The following GNA13 variants were observed in gnomAD, a reference collection of about 807,000 sequenced individuals.
GNA13 encodes the protein guanine nucleotide-binding protein subunit alpha-13.
A neutral mutation model predicts 33.5 loss-of-function variants in GNA13; 4 were observed. The ratio of observed to expected loss-of-function variants is 0.12; its 90% CI spans 0.06 to 0.27. The LOEUF (loss-of-function observed/expected upper bound fraction) is 0.27, where lower values mean the gene tolerates loss of function less well. Among genes scored for constraint, GNA13 ranks in the 10% least tolerant of loss-of-function variants. The probability of loss-of-function intolerance (pLI) is 1.00; values close to 1 mark genes in which losing one functional copy is unlikely to be tolerated. For missense variants in GNA13, 319 were observed against 487.2 expected, an observed-to-expected ratio of 0.65 and a Z score of 3.25; for synonymous variants, 176 against 183.8, an observed-to-expected ratio of 0.96 and a Z score of 0.34.
intron 2 of GNA13, among the ~76,000 whole-genome samples, chr17:65,042,613 T>C (rs1466540328): frequency 6.6e-6 from 1 of 151,936 alleles, no homozygotes; most frequent in Admixed American, 6.6e-5. Flanking sequence ...GGTGCGGGCC[T>C]GTAGTCCCAG....
Position 65,013,498 on chromosome 17 carries a change from A to C in GNA13, c.*759T>G. 1 of 213,576 alleles carries C rather than the reference A, an allele frequency of 4.7e-6. No homozygotes were observed. The highest frequency in any genetic ancestry group is 9.5e-6 in the Non-Finnish European group (1 of 105,218). The allele number at this position is 213,576 out of a possible 1,614,324, so 13.2% of individuals were successfully genotyped here. On this transcript the variant is annotated 3_prime_UTR_variant, in exon 4 of 4. Transcript: ENST00000439174. Reference sequence around the variant, plus strand: ...TTTCACATATGGTACATTAAACTACATGATAATTAAATATGAGAAAGGCAA... The same window carrying C: ...TTTCACATATGGTACATTAAACTACCTGATAATTAAATATGAGAAAGGCAA...
chr17:65,013,836 A>G lies in GNA13; in HGVS notation c.*421T>C, dbSNP rs533073105. 4 of 227,350 alleles carry G rather than the reference A, an allele frequency of 1.8e-5. No individual in the cohort carries two copies. The highest frequency in any genetic ancestry group is 1.6e-4 in the South Asian group (1 of 6,430). The allele number at this position is 227,350 out of a possible 1,614,324, so 14.1% of individuals were successfully genotyped here. A position where few individuals can be genotyped will look rare whatever the true frequency, so the allele number is the denominator to read the frequency against. Reference sequence around the variant, plus strand: ...AAGTTAGGCAACAAGTGTCACTGCTATATGTAAGGCGGACAGAAGATATCT... The same window carrying G: ...AAGTTAGGCAACAAGTGTCACTGCTGTATGTAAGGCGGACAGAAGATATCT... On this transcript the variant is annotated 3_prime_UTR_variant, in exon 4 of 4. Transcript: ENST00000439174.
chr17:65,032,349 T>C (rs1261858248), intron 2 of GNA13, among the ~76,000 whole-genome samples: 1 of 152,164 alleles, frequency 6.6e-6, no homozygotes, highest in Non-Finnish European at 1.5e-5. Flanking sequence ...AAATATGAAA[T>C]ATACCATGAG....
At chr17:65,039,549 G>C (rs1004601981) in intron 2 of GNA13, among the ~76,000 whole-genome samples, 10 of 152,158 alleles carry the variant, frequency 6.6e-5, no homozygotes, top group African/African-American at 2.2e-4. Flanking sequence ...CCAGCAGTAA[G>C]TTTTTTTCCA....
intron 2 of GNA13, among the ~76,000 whole-genome samples, chr17:65,042,271 T>C (rs1907483525): frequency 6.6e-6 from 1 of 151,234 alleles, no homozygotes; most frequent in Non-Finnish European, 1.5e-5. Context: ...GGCAGGAGAA[T>C]TGCTTGAACC....
intron 2 of GNA13, among the ~76,000 whole-genome samples, chr17:65,029,155 T>C (rs1906910066): frequency 1.3e-5 from 2 of 152,212 alleles, no homozygotes; most frequent in Admixed American, 6.5e-5. Flanking sequence ...TAGTATCTGA[T>C]AAAATGCTGA....
intron 2 of GNA13, among the ~76,000 whole-genome samples, chr17:65,047,701 T>C (rs895933553): frequency 1.3e-5 from 2 of 152,014 alleles, no homozygotes; most frequent in Non-Finnish European, 2.9e-5. Context: ...CCTCACTATG[T>C]TGCCCACATT....
At chr17:65,027,241 A>C (rs1478628183) in intron 2 of GNA13, among the ~76,000 whole-genome samples, 1 of 151,684 alleles carries the variant, frequency 6.6e-6, no homozygotes, top group Non-Finnish European at 1.5e-5. Flanking sequence ...TCCAAAGTGC[A>C]CCTGTCTTTC....
intron 2 of GNA13, among the ~76,000 whole-genome samples, chr17:65,043,880 A>AG (rs1907553255): frequency 6.6e-6 from 1 of 152,148 alleles, no homozygotes; most frequent in Non-Finnish European, 1.5e-5. Context: ...CCAGCACTGC[A>AG]GGAGGCCAAG....
At chr17:65,032,755 C>T (rs926913037) in intron 2 of GNA13, among the ~76,000 whole-genome samples, 3 of 151,452 alleles carry the variant, frequency 2.0e-5, no homozygotes, top group African/African-American at 4.9e-5. Flanking sequence ...TGGTCTTTAT[C>T]TTTGATATTG....
chr17:65,014,180 C>A lies in GNA13; in HGVS notation c.*77G>T. 1.2e-6 allele frequency: 1 copy of A among 801,072 alleles called. No individual in the cohort carries two copies. The highest frequency in any genetic ancestry group is 1.7e-5 in the South Asian group (1 of 57,358). The allele number at this position is 801,072 out of a possible 1,614,324, so 49.6% of individuals were successfully genotyped here. A position where few individuals can be genotyped will look rare whatever the true frequency, so the allele number is the denominator to read the frequency against. ...AGATTGTTCTAATTCTGGTTGTAAA[C>A]TGCTATTTTAAAAAACAAAACAAAC... On this transcript the variant is annotated 3_prime_UTR_variant, in exon 4 of 4. Coordinates refer to ENST00000439174, the MANE Select transcript of GNA13 (RefSeq NM_006572.6). The surrounding 1 kb of genome is among the most constrained non-coding windows in gnomAD (Gnocchi z 5.3).
intron 2 of GNA13, among the ~76,000 whole-genome samples, chr17:65,040,651 G>A (rs1907419845): frequency 6.6e-6 from 1 of 151,938 alleles, no homozygotes; most frequent in African/African-American, 2.4e-5. Flanking sequence ...CCGCCACCAC[G>A]CCCAGCTAAT....
intron 2 of GNA13, among the ~76,000 whole-genome samples, chr17:65,046,221 C>T (rs182862935): frequency 2.0e-5 from 3 of 151,988 alleles, no homozygotes; most frequent in Admixed American, 2.0e-4. Flanking sequence ...TGTTATAAAA[C>T]GTAAGATATT....
intron 2 of GNA13, among the ~76,000 whole-genome samples, chr17:65,035,980 T>C (rs1013197108): frequency 4.6e-5 from 7 of 152,228 alleles, no homozygotes; most frequent in Non-Finnish European, 1.0e-4. Flanking sequence ...AATTCTGCTG[T>C]GATGATGTGC....
At chr17:65,037,849 TC>T (rs552366032) in intron 2 of GNA13, among the ~76,000 whole-genome samples, 55 of 145,658 alleles carry the variant, frequency 3.8e-4, no homozygotes, top group Non-Finnish European at 6.9e-4. Context: ...TTACACCCTT[TC>T]CCCGAGTAAT....
At chr17:65,038,494 C>T (rs1907341907) in intron 2 of GNA13, among the ~76,000 whole-genome samples, 2 of 152,146 alleles carry the variant, frequency 1.3e-5, no homozygotes, top group African/African-American at 2.4e-5. Flanking sequence ...CTCACTGCAG[C>T]CTCAACCTCC....
At chr17:65,053,815 C>T (rs746192446) in intron 1 of GNA13, 87 bp from the exon 2 acceptor site, 157 of 837,944 alleles carry the variant, frequency 1.9e-4, no homozygotes, top group Middle Eastern at 4.9e-4. Context: ...TTTCCTTATA[C>T]TTCTGAATTA....
At position 65,012,076 on chromosome 17, in the gene GNA13, A is replaced by G. The variant is rs1269017082; in HGVS notation, c.*2181T>C. Reference sequence around the variant, plus strand: ...GAGACATTACATGCAGCAGGGAAGAAAACTGCAAATGCCCAAAATAACATG... The same window carrying G: ...GAGACATTACATGCAGCAGGGAAGAGAACTGCAAATGCCCAAAATAACATG... On this transcript the variant is annotated 3_prime_UTR_variant, in exon 4 of 4. Coordinates refer to ENST00000439174, the MANE Select transcript of GNA13 (RefSeq NM_006572.6). The G allele has an allele frequency of 4.4e-6, 1 of 228,564 alleles. No individual in the cohort carries two copies. The highest frequency in any genetic ancestry group is 6.3e-5 in the East Asian group (1 of 15,918). 14.2% of individuals were successfully genotyped at this position (228,564 alleles called of 1,614,324 possible). A position where few individuals can be genotyped will look rare whatever the true frequency, so the allele number is the denominator to read the frequency against.
intron 2 of GNA13, among the ~76,000 whole-genome samples, chr17:65,028,792 CCTT>C (rs1228267808): frequency 2.0e-5 from 3 of 152,154 alleles, no homozygotes; most frequent in African/African-American, 4.8e-5. Context: ...CTCCACACCA[CCTT>C]CTTCTTCCAA....
Sources: gnomAD v4.1 joint callset for allele counts (sites outside exome capture counted in the v4.1 genomes callset) on GRCh38, gnomAD v4.1.1 for gene constraint, Gnocchi (gnomAD v3.1) non-coding constraint, MANE v1.5 for transcripts, NCBI Gene and HGNC (gene_info 2026-07-23, HGNC 2026-07-21) for gene names.